Variants in HPX observed in about 807,000 individuals in gnomAD.
HPX encodes the protein beta-1B-glycoprotein.
Under a neutral mutation model 53.8 loss-of-function variants are expected in HPX, and 42 were observed. That is an observed-to-expected ratio of 0.78 (90% confidence interval 0.61 to 1.01). The LOEUF (loss-of-function observed/expected upper bound fraction) is 1.01. Among genes scored for constraint, HPX ranks in the 50% least tolerant of loss-of-function variants. The pLI, the probability that HPX is intolerant of heterozygous loss-of-function variation, is 0.00. For synonymous variants in HPX, 229 were observed against 221.1 expected, an observed-to-expected ratio of 1.04 and a Z score of -0.32; for missense variants, 547 against 594.3, an observed-to-expected ratio of 0.92 and a Z score of 0.83.
chr11:6,440,819 C>T, intron 1 of HPX, 62 bp downstream of exon 1: 1 of 1,596,258 alleles, frequency 6.3e-7, no homozygotes. Context: ...GGCCTAAAAA[C>T]TGGCCCTACC....
At position 6,431,348 on chromosome 11, in the gene HPX, A is replaced by G; in HGVS notation, c.1252T>C (p.Cys418Arg). Residue 418 changes from cysteine to arginine, a missense_variant, in exon 10 of 10, where the codon TGT becomes CGT. Transcript: ENST00000265983. ...CMEKSLGPNSCSANGPGLYLI... is the reference protein window; with the variant it reads ...CMEKSLGPNSRSANGPGLYLI... ...TACAAGCCGGGACCATTGGCGGAACATGAGTTAGGGCCAAGGGACTTTTCC... is the reference window on the plus strand; with the variant it reads ...TACAAGCCGGGACCATTGGCGGAACGTGAGTTAGGGCCAAGGGACTTTTCC... The G allele has an allele frequency of 1.9e-6, 3 of 1,614,244 alleles. No individual in the cohort carries two copies. The highest frequency in any genetic ancestry group is 2.5e-6 in the Non-Finnish European group (3 of 1,180,046).
Position 6,431,868 on chromosome 11 carries a change from C to G in HPX, c.966+19G>C, listed in dbSNP as rs755481958. ...TGCTTGTCCCAGTCTCTACCTCAAGCCTCTCCCCCAATACACACCTGGACC... is the reference window on the plus strand; with the variant it reads ...TGCTTGTCCCAGTCTCTACCTCAAGGCTCTCCCCCAATACACACCTGGACC... On this transcript the variant is annotated intron_variant, in intron 8 of 9. Transcript: ENST00000265983. The G allele has an allele frequency of 6.2e-7, 1 of 1,614,020 alleles. No individual in the cohort carries two copies. Among genetic ancestry groups the G allele is most frequent in the Non-Finnish European group, 8.5e-7 (1 of 1,180,010 alleles).
In HPX at chr11:6,431,070, T is replaced by C; in HGVS notation, c.*141A>G. ...TTGATTCAAGTGAAGAAGCAATCTGTCTTTATTATGAGAAACTGGGGAGGT... is the reference window on the plus strand; with the variant it reads ...TTGATTCAAGTGAAGAAGCAATCTGCCTTTATTATGAGAAACTGGGGAGGT... On this transcript the variant is annotated 3_prime_UTR_variant, in exon 10 of 10. Coordinates refer to ENST00000265983, the MANE Select transcript of HPX (RefSeq NM_000613.3). The C allele has an allele frequency of 9.0e-7, 1 of 1,114,538 alleles. No individual in the cohort carries two copies. Among genetic ancestry groups the C allele is most frequent in the Non-Finnish European group, 1.3e-6 (1 of 798,814 alleles). The allele number at this position is 1,114,538 out of a possible 1,614,324, so 69.0% of individuals were successfully genotyped here. A position where few individuals can be genotyped will look rare whatever the true frequency, so the allele number is the denominator to read the frequency against.
Position 6,440,723 on chromosome 11 carries a change from C to T in HPX, c.91G>A (p.Ala31Thr). 6.2e-7 allele frequency: 1 copy of T among 1,613,840 alleles called. No individual in the cohort carries two copies. Among genetic ancestry groups the T allele is most frequent in the Non-Finnish European group, 8.5e-7 (1 of 1,179,870 alleles). The part of the protein sequence containing the change: ...AIATPLPPTS[A>T]HGNVAEGETK... ...TCGCCTTCAGCAACATTCCCATGGG[C>T]ACTAGTCCTAGGGAGAACAAAATAG... Residue 31 changes from alanine (A) to threonine (T), a missense_variant, in exon 2 of 10, where the codon GCC (alanine) becomes ACC (threonine). Ala to Thr is a moderately conservative substitution (Grantham distance 58). Transcript: ENST00000265983.
chr11:6,431,376 A>C lies in HPX; in HGVS notation c.1224T>G (p.Cys408Trp). The change falls in exon 10 of 10, where the codon TGT becomes TGG. Residue 408 changes from cysteine to tryptophan, a missense_variant. By Grantham distance (215) the Cys-to-Trp change is radical (BLOSUM62 -2). Coordinates refer to ENST00000265983, the MANE Select transcript of HPX (RefSeq NM_000613.3). ...WPHEKVDGAL[C>W]MEKSLGPNSC... is the part of the protein sequence containing the mutation. Reference sequence around the variant, plus strand: ...AGTTAGGGCCAAGGGACTTTTCCATACACAAGGCTCCGTCTACCTTCTCAT... The same window carrying C: ...AGTTAGGGCCAAGGGACTTTTCCATCCACAAGGCTCCGTCTACCTTCTCAT... 1 of 1,614,240 alleles carries C rather than the reference A, an allele frequency of 6.2e-7. No homozygotes were observed.
intron 7 of HPX, among the ~76,000 whole-genome samples, chr11:6,436,074 T>C (rs901953532): frequency 1.3e-5 from 2 of 152,164 alleles, no homozygotes; most frequent in East Asian, 1.9e-4. Flanking sequence ...ATGTTCTCAG[T>C]TTAATGTTGT....
chr11:6,437,469 C>T lies in HPX; in HGVS notation c.674G>A (p.Arg225Gln), dbSNP rs377606483. The T allele has an allele frequency of 1.7e-5, 28 of 1,613,960 alleles. No individual in the cohort carries two copies. Among genetic ancestry groups the T allele is most frequent in the Non-Finnish European group, 2.2e-5 (26 of 1,180,018 alleles). ...EVPPRYPRDV[R>Q]DYFMPCPGRG... is the part of the protein sequence containing the mutation. ...GCCAGGGCAGGGCATGAAGTAGTCTCGGACATCCCGCGGGTACCTGGGAGG... is the reference window on the plus strand; with the variant it reads ...GCCAGGGCAGGGCATGAAGTAGTCTTGGACATCCCGCGGGTACCTGGGAGG... Residue 225 changes from arginine (R) to glutamine (Q), a missense_variant, in exon 6 of 10, where the codon CGA (arginine) becomes CAA (glutamine). Coordinates refer to ENST00000265983, the MANE Select transcript of HPX (RefSeq NM_000613.3).
At position 6,431,970 on chromosome 11, in the gene HPX, A is replaced by C. The variant is rs552594831; in HGVS notation, c.883T>G (p.Trp295Gly). 1 of 1,614,224 alleles carries C rather than the reference A, an allele frequency of 6.2e-7. No homozygotes were observed. Among genetic ancestry groups the C allele is most frequent in the East Asian group, 2.2e-5 (1 of 44,886 alleles). The change falls in exon 8 of 10, where the codon TGG (tryptophan) becomes GGG (glycine). Residue 295 changes from tryptophan (W) to glycine (G), a missense_variant. Coordinates refer to ENST00000265983, the MANE Select transcript of HPX (RefSeq NM_000613.3). ...LDTSRDGWHS[W>G]PIAHQWPQGP... ...TGGGGCCACTGATGAGCAATGGGCC[A>C]GCTATGCCAGCCATCCCGGCTGGTG...
In HPX at chr11:6,431,122, G is replaced by A; in HGVS notation, c.*89C>T. On this transcript the variant is annotated 3_prime_UTR_variant, in exon 10 of 10. Transcript: ENST00000265983. ...GGGCCAGGCCAGACTCATGTCAGAA[G>A]GCCCCTCAGTGAGAAGCGAAGAAGC... The A allele has an allele frequency of 1.3e-6, 2 of 1,540,944 alleles. No homozygotes were observed. Among genetic ancestry groups the A allele is most frequent in the Non-Finnish European group, 1.8e-6 (2 of 1,136,558 alleles).
At position 6,438,378 on chromosome 11, in the gene HPX, A is replaced by G; in HGVS notation, c.468T>C (p.Ala156=). 2 of 1,614,196 alleles carry G rather than the reference A, an allele frequency of 1.2e-6. No homozygotes were observed. The highest frequency in any genetic ancestry group is 1.7e-6 in the Non-Finnish European group (2 of 1,180,038). ...AVECHRGECQ[A]EGVLFFQGDR... ...GACCTTGGAAGAAGAGGACGCCTTC[A>G]GCTTGACATTCTCCACGGTGACATT... Residue 156 remains alanine, a synonymous_variant, in exon 5 of 10, where the codon GCT becomes GCC. Transcript: ENST00000265983.
chr11:6,431,723 G>T lies in HPX; in HGVS notation c.1047C>A (p.Val349=), dbSNP rs73398890. ...CCAGGATAATCCCATGAGGGGTCCC[G>T]ACTTCCTTCTCCAGCCGCTTCGGAT... ...SGYPKRLEKE[V]GTPHGIILDS... Residue 349 remains valine (V), a synonymous_variant, in exon 9 of 10, where the codon GTC becomes GTA. Coordinates refer to ENST00000265983, the MANE Select transcript of HPX (RefSeq NM_000613.3). The T allele has an allele frequency of 6.2e-7, 1 of 1,614,114 alleles. No individual in the cohort carries two copies.
At position 6,437,090 on chromosome 11, in the gene HPX, G is replaced by C; in HGVS notation, c.791C>G (p.Ser264Cys). 6.2e-7 allele frequency: 1 copy of C among 1,614,200 alleles called. No homozygotes were observed. Among genetic ancestry groups the C allele is most frequent in the South Asian group, 1.1e-5 (1 of 91,086 alleles). ...YMRCSPHLVL[S>C]ALTSDNHGAT... ...ACCATGGTTGTCAGACGTCAGTGCAGACAAGACTAGATGTGGGCTACAGCG... is the reference window on the plus strand; with the variant it reads ...ACCATGGTTGTCAGACGTCAGTGCACACAAGACTAGATGTGGGCTACAGCG... The change falls in exon 7 of 10, where the codon TCT (serine) becomes TGT (cysteine). Residue 264 changes from serine to cysteine, a missense_variant. Coordinates refer to ENST00000265983, the MANE Select transcript of HPX (RefSeq NM_000613.3).
At chr11:6,436,803 C>G (rs1849422682) in intron 7 of HPX, among the ~76,000 whole-genome samples, 1 of 152,138 alleles carries the variant, frequency 6.6e-6, no homozygotes, top group Admixed American at 6.5e-5. Flanking sequence ...GAGAGGTCCA[C>G]AGGGGGCACA....
chr11:6,431,182 G>A lies in HPX; in HGVS notation c.*29C>T, dbSNP rs773800791. ...TTATTATGAGGAACTAGGAGGTGGG[G>A]CCAGGCCAGACTCATGTCAGAAGGC... On this transcript the variant is annotated 3_prime_UTR_variant, in exon 10 of 10. Coordinates refer to ENST00000265983, the MANE Select transcript of HPX (RefSeq NM_000613.3). 3 of 1,612,738 alleles carry A rather than the reference G, an allele frequency of 1.9e-6. No homozygotes were observed. The highest frequency in any genetic ancestry group is 2.7e-5 in the African/African-American group (2 of 74,910).
chr11:6,439,573 T>G (rs1849459414), intron 4 of HPX: 1 of 169,094 alleles, frequency 5.9e-6, no homozygotes. Flanking sequence ...ATGGAAAGGC[T>G]AGGATGGATC....
chr11:6,440,613 G>C (rs1849471904), intron 2 of HPX, 59 bp downstream of exon 2: 1 of 962,194 alleles, frequency 1.0e-6, no homozygotes, highest in South Asian at 1.4e-5. Context: ...ACCAGAAGGT[G>C]ATAAAATGCA....
chr11:6,438,481 T>A lies in HPX; in HGVS notation c.365A>T (p.Glu122Val). The change falls in exon 5 of 10, where the codon GAA becomes GTA. Residue 122 changes from glutamate to valine, a missense_variant. Coordinates refer to ENST00000265983, the MANE Select transcript of HPX (RefSeq NM_000613.3). Reference sequence around the variant, plus strand: ...CTTTGGGTATCCTTTCTCCTTCTTTTCAGGAGGGTATACCCAGACTTTGTC... The same window carrying A: ...CTTTGGGTATCCTTTCTCCTTCTTTACAGGAGGGTATACCCAGACTTTGTC... ...KGDKVWVYPP[E>V]KKEKGYPKLL... 1 of 1,614,158 alleles carries A rather than the reference T, an allele frequency of 6.2e-7. No homozygotes were observed. Among genetic ancestry groups the A allele is most frequent in the Admixed American group, 1.7e-5 (1 of 60,036 alleles).
At chr11:6,434,580 C>T (rs1345040542) in intron 7 of HPX, among the ~76,000 whole-genome samples, 3 of 152,208 alleles carry the variant, frequency 2.0e-5, no homozygotes, top group African/African-American at 7.2e-5. Flanking sequence ...ATCTGCCCCC[C>T]TCGGCCTCCC....
chr11:6,431,812 C>T lies in HPX; in HGVS notation c.967-9G>A. 1.2e-6 allele frequency: 2 copies of T among 1,614,008 alleles called. No homozygotes were observed. The highest frequency in any genetic ancestry group is 1.7e-6 in the Non-Finnish European group (2 of 1,180,008). On this transcript the variant is annotated splice_polypyrimidine_tract_variant and intron_variant, in intron 8 of 9. Coordinates refer to ENST00000265983, the MANE Select transcript of HPX (RefSeq NM_000613.3). ...ACATATACCTGGGTGCCCTGGAGGA[C>T]AAAGGATGGTAATAAATACAGAGTT...
Sources: gnomAD v4.1 joint callset for allele counts (sites outside exome capture counted in the v4.1 genomes callset) on GRCh38, gnomAD v4.1.1 for gene constraint, MANE v1.5 for transcripts, NCBI Gene and HGNC (gene_info 2026-07-23, HGNC 2026-07-21) for gene names.